FBXO8: variants seen among roughly 807,000 people sequenced by gnomAD.
The protein encoded by FBXO8 is F-box only protein 8.
A neutral mutation model predicts 33.4 loss-of-function variants in FBXO8; 15 were observed. The ratio of observed to expected loss-of-function variants is 0.45; its 90% CI spans 0.30 to 0.69. The LOEUF (loss-of-function observed/expected upper bound fraction) is 0.69. FBXO8 is among the 30% of genes least tolerant of loss of function. The probability of loss-of-function intolerance (pLI) is 0.08; values close to 1 mark genes in which losing one functional copy is unlikely to be tolerated. For missense variants in FBXO8, 274 were observed against 380.3 expected (o/e 0.72, Z 2.32); for synonymous variants, 132 against 131.5 (o/e 1.00, Z -0.02).
At chr4:174,249,139 C>A (rs956119371) in intron 3 of FBXO8, among the ~76,000 whole-genome samples, 2 of 152,064 alleles carry the variant, frequency 1.3e-5, no homozygotes, top group African/African-American at 4.8e-5. Context: ...AAAAGAACCA[C>A]ATTAGTGACT....
At position 174,263,173 on chromosome 4, in the gene FBXO8, C is replaced by T; in HGVS notation, c.-8-73G>A. 2.3e-6 allele frequency: 3 copies of T among 1,297,062 alleles called. No homozygotes were observed. The highest frequency in any genetic ancestry group is 3.2e-6 in the Non-Finnish European group (3 of 937,642). 80.3% of individuals were successfully genotyped at this position (1,297,062 alleles called of 1,614,324 possible). ...CATTTTTCCCAGTGGTATAACAAAT[C>T]TGACATGAAGCATTCATTTATCAGA... On this transcript the variant is annotated intron_variant, in intron 1 of 5. Transcript: ENST00000393674. This position sits in a 1 kb window ranked among gnomAD's most constrained non-coding sequence, Gnocchi z 4.2.
chr4:174,257,658 T>C lies in FBXO8; in HGVS notation c.456+2041A>G, dbSNP rs777303276. On this transcript the variant is annotated intron_variant, in intron 3 of 5. Transcript: ENST00000393674. This position sits in a 1 kb window ranked among gnomAD's most constrained non-coding sequence, Gnocchi z 4.3. ...CCTCAACAGACTGATGCAAAATATATATCTTTATTGTGACTATTATTAAGA... is the reference window on the plus strand; with the variant it reads ...CCTCAACAGACTGATGCAAAATATACATCTTTATTGTGACTATTATTAAGA... 1.3e-5 allele frequency among the ~76,000 whole-genome samples: 2 copies of C among 152,154 alleles called. No individual in the cohort carries two copies. Among genetic ancestry groups the C allele is most frequent in the Non-Finnish European group, 2.9e-5 (2 of 68,022 alleles).
At position 174,251,050 on chromosome 4, in the gene FBXO8, A is replaced by C. The variant is rs1736274968; in HGVS notation, c.456+8649T>G. 6.6e-6 allele frequency among the ~76,000 whole-genome samples: 1 copy of C among 152,164 alleles called. No individual in the cohort carries two copies. The highest frequency in any genetic ancestry group is 2.4e-5 in the African/African-American group (1 of 41,448). ...TTAAAAAGCTCAATGTACCACTGTAAAGTCTCTAGTTACAATTACTTAAAT... is the reference window on the plus strand; with the variant it reads ...TTAAAAAGCTCAATGTACCACTGTACAGTCTCTAGTTACAATTACTTAAAT... On this transcript the variant is annotated intron_variant, in intron 3 of 5. Transcript: ENST00000393674. This position sits in a 1 kb window ranked among gnomAD's most constrained non-coding sequence, Gnocchi z 4.2.
chr4:174,268,081 C>T (rs936191577), intron 1 of FBXO8, among the ~76,000 whole-genome samples: 2 of 152,118 alleles, frequency 1.3e-5, no homozygotes, highest in Admixed American at 6.5e-5. Flanking sequence ...ATAAAAGAAA[C>T]ACGGTTGCTT....
At chr4:174,240,136 C>CAAAAAAAAAAAAAAAAAAAAA (rs543054382) in intron 4 of FBXO8, among the ~76,000 whole-genome samples, 2 of 49,410 alleles carry the variant, frequency 4.0e-5, no homozygotes, top group Admixed American at 2.2e-4. Context: ...AAAATATTTA[C>CAAAAAAAAAAAAAAAAAAAAA]AAAAAAAAAA....
At chr4:174,264,446 T>C (rs1219188718) in intron 1 of FBXO8, among the ~76,000 whole-genome samples, 1 of 152,128 alleles carries the variant, frequency 6.6e-6, no homozygotes, top group East Asian at 1.9e-4. Context: ...AGGGATTTTA[T>C]TTTAGTATTT....
chr4:174,264,940 C>G (rs904698954), intron 1 of FBXO8, among the ~76,000 whole-genome samples: 1 of 151,914 alleles, frequency 6.6e-6, no homozygotes, highest in African/African-American at 2.4e-5. Flanking sequence ...GAAAATAATC[C>G]ACTTTAAAAA....
rs968036385 is a variant in FBXO8, at chr4:174,282,576, A to C, written c.-9+834T>G. 3.3e-5 allele frequency among the ~76,000 whole-genome samples: 5 copies of C among 152,296 alleles called. No individual in the cohort carries two copies. The South Asian group carries it at 8.3e-4, about 25-fold the overall frequency. On this transcript the variant is annotated intron_variant, in intron 1 of 5. Transcript: ENST00000393674. Reference sequence around the variant, plus strand: ...ATCATTTTCGTGAAGGGTAGAGTTGAGAAGTGTGTAGAGCTCCTACCTCAG... The same window carrying C: ...ATCATTTTCGTGAAGGGTAGAGTTGCGAAGTGTGTAGAGCTCCTACCTCAG...
chr4:174,263,157 C>A lies in FBXO8; in HGVS notation c.-8-57G>T. 4 of 1,463,898 alleles carry A rather than the reference C, an allele frequency of 2.7e-6. No homozygotes were observed. The highest frequency in any genetic ancestry group is 2.0e-5 in the Admixed American group (1 of 49,198). The allele number at this position is 1,463,898 out of a possible 1,614,324, so 90.7% of individuals were successfully genotyped here. On this transcript the variant is annotated intron_variant, in intron 1 of 5. Coordinates refer to ENST00000393674, the MANE Select transcript of FBXO8 (RefSeq NM_012180.3). This position sits in a 1 kb window ranked among gnomAD's most constrained non-coding sequence, Gnocchi z 4.2. ...CATTTAAAAAGTAACCCATTTTTCCCAGTGGTATAACAAATCTGACATGAA... is the reference window on the plus strand; with the variant it reads ...CATTTAAAAAGTAACCCATTTTTCCAAGTGGTATAACAAATCTGACATGAA...
intron 4 of FBXO8, 66 bp from the exon 5 acceptor site, chr4:174,239,256 TAAC>T (rs1481996350): frequency 8.4e-7 from 1 of 1,190,600 alleles, no homozygotes; most frequent in East Asian, 2.6e-5. Context: ...GTAAGAAAAA[TAAC>T]AAATTTCCAT....
rs1383796470 is a variant in FBXO8, at chr4:174,270,040, T to C, written c.-8-6940A>G. ...TACCTGCAAATACACTCAGGGAGCATGGTAGTAAACAGGAAACTTAGAAGC... is the reference window on the plus strand; with the variant it reads ...TACCTGCAAATACACTCAGGGAGCACGGTAGTAAACAGGAAACTTAGAAGC... On this transcript the variant is annotated intron_variant, in intron 1 of 5. Transcript: ENST00000393674. This position sits in a 1 kb window ranked among gnomAD's most constrained non-coding sequence, Gnocchi z 4.6. Among the ~76,000 whole-genome samples the C allele has an allele frequency of 1.3e-5, 2 of 152,192 alleles. No homozygotes were observed. The highest frequency in any genetic ancestry group is 2.9e-5 in the Non-Finnish European group (2 of 68,030).
At position 174,277,932 on chromosome 4, in the gene FBXO8, GAT is replaced by G. The variant is rs1331334233; in HGVS notation, c.-9+5476_-9+5477del. On this transcript the variant is annotated intron_variant, in intron 1 of 5. Transcript: ENST00000393674. This position sits in a 1 kb window ranked among gnomAD's most constrained non-coding sequence, Gnocchi z 4.9. ...TAAAAATCTTTAAGGGATATCATGTGATATTATTCAATAGCATAAGAACATGG... is the reference window on the plus strand; with the variant it reads ...TAAAAATCTTTAAGGGATATCATGTGATTATTCAATAGCATAAGAACATGG... 1.3e-5 allele frequency among the ~76,000 whole-genome samples: 2 copies of G among 152,068 alleles called. No homozygotes were observed. Among genetic ancestry groups the G allele is most frequent in the Non-Finnish European group, 2.9e-5 (2 of 67,966 alleles).
rs1231792599 is a variant in FBXO8 at position 174,259,939 on chromosome 4, C to T, written c.330-114G>A. The T allele has an allele frequency of 1.6e-5, 19 of 1,169,158 alleles. No homozygotes were observed. In the East Asian group the frequency reaches 3.0e-4, roughly 18 times the overall value. The allele number at this position is 1,169,158 out of a possible 1,614,324, so 72.4% of individuals were successfully genotyped here. A position where few individuals can be genotyped will look rare whatever the true frequency, so the allele number is the denominator to read the frequency against. On this transcript the variant is annotated intron_variant, in intron 2 of 5. Transcript: ENST00000393674. This position sits in a 1 kb window ranked among gnomAD's most constrained non-coding sequence, Gnocchi z 4.3. ...TGAAATAAGATTGAATTTTATAGTT[C>T]TAAAGTTTAAAATTTTTAAGTTTGT... is the stretch of plus-strand genomic sequence containing the variant.
intron 3 of FBXO8, among the ~76,000 whole-genome samples, chr4:174,258,037 T>C (rs1736457069): frequency 6.6e-6 from 1 of 152,114 alleles, no homozygotes; most frequent in Admixed American, 6.6e-5. Context: ...CTGAAAAATA[T>C]ATATTTTATT....
chr4:174,268,889 AAC>A (rs1271264883), intron 1 of FBXO8, among the ~76,000 whole-genome samples: 1 of 152,238 alleles, frequency 6.6e-6, no homozygotes, highest in Non-Finnish European at 1.5e-5. Flanking sequence ...CACCTTGAAC[AAC>A]AGTTTTTTCA....
At chr4:174,279,374 A>G (rs1024508179) in intron 1 of FBXO8, among the ~76,000 whole-genome samples, 1 of 152,126 alleles carries the variant, frequency 6.6e-6, no homozygotes, top group African/African-American at 2.4e-5. Context: ...AGACAAATAA[A>G]TGGAAGTACA....
chr4:174,282,725 T>C (rs1737151117), intron 1 of FBXO8, among the ~76,000 whole-genome samples: 1 of 152,168 alleles, frequency 6.6e-6, no homozygotes, highest in African/African-American at 2.4e-5. Context: ...CCTAGGAGCC[T>C]TGAAAATGAA....
rs1737176934 is a variant in FBXO8 at position 174,283,143 on chromosome 4, T to G, written c.-9+267A>C. On this transcript the variant is annotated intron_variant, in intron 1 of 5. Coordinates refer to ENST00000393674, the MANE Select transcript of FBXO8 (RefSeq NM_012180.3). The surrounding 1 kb of genome is among the most constrained non-coding windows in gnomAD (Gnocchi z 6.7). Reference sequence around the variant, plus strand: ...TTATTTCACAATGACGCTGGGTTACTACTTGGAGTCCTAAACCGAACTACA... The same window carrying G: ...TTATTTCACAATGACGCTGGGTTACGACTTGGAGTCCTAAACCGAACTACA... Among the ~76,000 whole-genome samples, 1 of 152,218 alleles carries G rather than the reference T, an allele frequency of 6.6e-6. No homozygotes were observed. Among genetic ancestry groups the G allele is most frequent in the Non-Finnish European group, 1.5e-5 (1 of 68,040 alleles).
chr4:174,250,596 A>T (rs1736263629), intron 3 of FBXO8, among the ~76,000 whole-genome samples: 1 of 152,152 alleles, frequency 6.6e-6, no homozygotes. Context: ...TTTATGATAT[A>T]AAAGAAGAAA....
Sources: allele counts gnomAD v4.1 joint callset (sites outside exome capture counted in the v4.1 genomes callset), GRCh38; gene constraint gnomAD v4.1.1; non-coding constraint Gnocchi (gnomAD v3.1); transcripts MANE v1.5; gene names NCBI Gene and HGNC (gene_info 2026-07-23, HGNC 2026-07-21).